LDAH: variants seen among roughly 807,000 people sequenced by gnomAD.
LDAH encodes lipid droplet associated hydrolase.
In LDAH, 26 loss-of-function variants were observed where a neutral mutation model predicts 29.6. That is an observed-to-expected ratio of 0.88 (90% CI 0.64 to 1.22). The LOEUF is 1.22. Among genes scored for constraint, LDAH ranks in the 50% most tolerant of loss-of-function variants. The pLI is 0.00. For synonymous variants in LDAH, 117 were observed against 133.0 expected, an observed-to-expected ratio of 0.88 and a Z score of 0.83; for missense variants, 344 against 387.3, an observed-to-expected ratio of 0.89 and a Z score of 0.94.
At chr2:20,775,581 A>G (rs1310043075) in intron 3 of LDAH, among the ~76,000 whole-genome samples, 1 of 152,200 alleles carries the variant, frequency 6.6e-6, no homozygotes, top group Non-Finnish European at 1.5e-5. Flanking sequence ...ATTATTTTAG[A>G]TAATCTTTAT....
At chr2:20,695,651 T>C (rs528205298) in intron 6 of LDAH, among the ~76,000 whole-genome samples, 1 of 152,226 alleles carries the variant, frequency 6.6e-6, no homozygotes, top group African/African-American at 2.4e-5. Context: ...GGTTTCACCA[T>C]GTTGGCCAGG....
At position 20,685,911 on chromosome 2, in the gene LDAH, T is replaced by A. The variant is rs1213107654; in HGVS notation, c.*992A>T. On this transcript the variant is annotated 3_prime_UTR_variant, in exon 7 of 7. Coordinates refer to ENST00000237822, the MANE Select transcript of LDAH (RefSeq NM_021925.4). ...AATGCAGAAATGGAGAGTTAATGTA[T>A]GGCAATGTTTTACTGAGCAGTTTAA... is the stretch of plus-strand genomic sequence containing the variant. The A allele has an allele frequency of 2.6e-6, 1 of 391,868 alleles. No individual in the cohort carries two copies. The highest frequency in any genetic ancestry group is 4.4e-5 in the East Asian group (1 of 22,482). The allele number at this position is 391,868 out of a possible 1,614,324, so 24.3% of individuals were successfully genotyped here. A position where few individuals can be genotyped will look rare whatever the true frequency, so the allele number is the denominator to read the frequency against.
At chr2:20,740,825 C>T (rs6739744) in intron 4 of LDAH, among the ~76,000 whole-genome samples, 4,835 of 152,174 alleles carry the variant, frequency 0.032, 252 homozygotes, top group African/African-American at 0.11. Context: ...ATATGTTTAG[C>T]TTTGTATGAA....
intron 5 of LDAH, among the ~76,000 whole-genome samples, chr2:20,722,823 T>C (rs1381647539): frequency 2.6e-5 from 4 of 152,080 alleles, no homozygotes; most frequent in African/African-American, 4.8e-5. Context: ...TTACAAAACA[T>C]AGCAAAAACA....
intron 5 of LDAH, among the ~76,000 whole-genome samples, chr2:20,710,550 T>C (rs1045734396): frequency 1.3e-5 from 2 of 149,552 alleles, no homozygotes; most frequent in Non-Finnish European, 3.0e-5. Flanking sequence ...GAAATGACTA[T>C]ATATATGACT....
intron 5 of LDAH, among the ~76,000 whole-genome samples, chr2:20,722,172 T>G (rs949267650): frequency 1.3e-5 from 2 of 151,966 alleles, no homozygotes; most frequent in Admixed American, 6.6e-5. Flanking sequence ...GGTCAGGAGT[T>G]CGAGACCAGC....
At chr2:20,821,363 A>T (rs973526840) in intron 1 of LDAH, among the ~76,000 whole-genome samples, 6 of 152,196 alleles carry the variant, frequency 3.9e-5, no homozygotes, top group Non-Finnish European at 8.8e-5. Context: ...CTTGGAACCA[A>T]CCCAAACGTC....
At chr2:20,727,424 T>C (rs879642319) in intron 5 of LDAH, among the ~76,000 whole-genome samples, 13 of 152,188 alleles carry the variant, frequency 8.5e-5, no homozygotes, top group Admixed American at 8.5e-4. Flanking sequence ...TAATAGTTCA[T>C]TTTATATCTT....
At chr2:20,687,167 G>A (rs1245980224) in intron 6 of LDAH, 73 bp from the exon 7 acceptor site, 51 of 1,302,040 alleles carry the variant, frequency 3.9e-5, no homozygotes, top group Admixed American at 1.4e-4. Context: ...ACCAGCAGCC[G>A]GCAGTGCTCT....
intron 1 of LDAH, among the ~76,000 whole-genome samples, chr2:20,808,787 A>G (rs1672268445): frequency 6.6e-6 from 1 of 152,218 alleles, no homozygotes; most frequent in Admixed American, 6.5e-5. Flanking sequence ...AACAGTGGAC[A>G]AGAACAGGGA....
chr2:20,740,423 C>G (rs978926762), intron 4 of LDAH, among the ~76,000 whole-genome samples: 3 of 152,136 alleles, frequency 2.0e-5, no homozygotes, highest in African/African-American at 7.2e-5. Flanking sequence ...ATCCTCCCAC[C>G]TCGGCCTCCC....
chr2:20,754,500 C>CAAA (rs61076745), intron 4 of LDAH, among the ~76,000 whole-genome samples: 22,095 of 77,354 alleles, frequency 0.29, 2,484 homozygotes, highest in Non-Finnish European at 0.31. Context: ...ACCCTCGCCA[C>CAAA]AAAAAAAAAA....
At chr2:20,716,104 T>C (rs762215408) in intron 5 of LDAH, among the ~76,000 whole-genome samples, 3 of 152,102 alleles carry the variant, frequency 2.0e-5, no homozygotes, top group Non-Finnish European at 2.9e-5. Context: ...TATGGAGAAA[T>C]TGGAATGCTT....
At chr2:20,788,253 T>C (rs1477866741) in intron 3 of LDAH, among the ~76,000 whole-genome samples, 1 of 152,210 alleles carries the variant, frequency 6.6e-6, no homozygotes, top group Non-Finnish European at 1.5e-5. Context: ...TAGATAAAAC[T>C]AGATAAATTG....
intron 5 of LDAH, among the ~76,000 whole-genome samples, chr2:20,725,266 G>A (rs1172707739): frequency 6.6e-6 from 1 of 152,136 alleles, no homozygotes; most frequent in East Asian, 1.9e-4. Context: ...CATTAATACC[G>A]ATGAAATGCC....
At chr2:20,808,639 TAGAG>T (rs1049504937) in intron 1 of LDAH, among the ~76,000 whole-genome samples, 1 of 133,654 alleles carries the variant, frequency 7.5e-6, no homozygotes, top group South Asian at 2.3e-4. Context: ...GCCTGCGCGA[TAGAG>T]AGAGACTCCG....
intron 4 of LDAH, among the ~76,000 whole-genome samples, chr2:20,771,729 G>A (rs1261972978): frequency 1.3e-5 from 2 of 152,014 alleles, no homozygotes; most frequent in Non-Finnish European, 2.9e-5. Context: ...GATGTTCACT[G>A]CCCCTCCTAC....
At position 20,763,612 on chromosome 2, in the gene LDAH, G is replaced by C. The variant is rs866738109; in HGVS notation, c.468+11198C>G. On this transcript the variant is annotated intron_variant, in intron 4 of 6. Transcript: ENST00000237822. ...GGCCAAGAAGAGGTAGTGATAAAAT[G>C]TGTTGGGCAGTAAATATACAGCTTT... Among the ~76,000 whole-genome samples, 8 of 152,204 alleles carry C rather than the reference G, an allele frequency of 5.3e-5. No homozygotes were observed. In the South Asian group the frequency reaches 6.2e-4, roughly 12 times the overall value.
chr2:20,737,903 A>T (rs1666902762), intron 5 of LDAH, among the ~76,000 whole-genome samples: 1 of 152,156 alleles, frequency 6.6e-6, no homozygotes, highest in African/African-American at 2.4e-5. Flanking sequence ...GGGAGTGTCC[A>T]GATATCCTGA....
Sources: gnomAD v4.1 joint callset for allele counts (sites outside exome capture counted in the v4.1 genomes callset) on GRCh38, gnomAD v4.1.1 for gene constraint, MANE v1.5 for transcripts, NCBI Gene and HGNC (gene_info 2026-07-23, HGNC 2026-07-21) for gene names.